FRAS1: variants seen among roughly 807,000 people sequenced by gnomAD.
FRAS1 encodes Fraser extracellular matrix complex subunit 1.
Under a neutral mutation model 435.2 loss-of-function variants are expected in FRAS1, and 290 were observed. The observed-to-expected ratio is 0.67, with a 90% CI of 0.61 to 0.73. The LOEUF is 0.73. Among genes scored for constraint, FRAS1 ranks in the 30% least tolerant of loss-of-function variants. The pLI is 0.00. For synonymous variants in FRAS1, 1,800 were observed against 1,851.0 expected, an observed-to-expected ratio of 0.97 and a Z score of 0.71; for missense variants, 4,860 against 5,001.5, an observed-to-expected ratio of 0.97 and a Z score of 0.85.
intron 2 of FRAS1, among the ~76,000 whole-genome samples, chr4:78,217,735 G>A (rs1041841186): frequency 5.3e-5 from 8 of 151,508 alleles, no homozygotes; most frequent in African/African-American, 1.5e-4. Flanking sequence ...TTCAATGGAC[G>A]GTAGCTATGG....
intron 2 of FRAS1, among the ~76,000 whole-genome samples, chr4:78,197,541 G>C (rs1428577238): frequency 1.3e-5 from 2 of 152,148 alleles, no homozygotes. Context: ...ATGTAGAAAA[G>C]CCCAAAAGTC....
chr4:78,313,907 GT>G (rs1268059807), intron 15 of FRAS1, among the ~76,000 whole-genome samples: 2 of 152,122 alleles, frequency 1.3e-5, no homozygotes, highest in Non-Finnish European at 2.9e-5. Flanking sequence ...ACTGAAATGT[GT>G]GGCACAGGAC....
Position 78,424,369 on chromosome 4 carries a change from G to A in FRAS1, c.4679-19G>A. 2 of 1,421,978 alleles carry A rather than the reference G, an allele frequency of 1.4e-6. No homozygotes were observed. Among genetic ancestry groups the A allele is most frequent in the Non-Finnish European group, 1.9e-6 (2 of 1,054,024 alleles). 88.1% of individuals were successfully genotyped at this position (1,421,978 alleles called of 1,614,324 possible). A position where few individuals can be genotyped will look rare whatever the true frequency, so the allele number is the denominator to read the frequency against. On this transcript the variant is annotated intron_variant, in intron 34 of 73. Transcript: ENST00000512123. Reference sequence around the variant, plus strand: ...TCCCAAAGTGTTTAATATACTGATTGTCTCTCTTACTCTTTTAGGTCTCCC... The same window carrying A: ...TCCCAAAGTGTTTAATATACTGATTATCTCTCTTACTCTTTTAGGTCTCCC...
intron 2 of FRAS1, among the ~76,000 whole-genome samples, chr4:78,121,906 G>A (rs1719052042): frequency 6.6e-6 from 1 of 152,150 alleles, no homozygotes; most frequent in East Asian, 1.9e-4. Flanking sequence ...ACATGGCCAG[G>A]ATACATGTTT....
chr4:78,370,119 G>A, intron 23 of FRAS1, 135 bp downstream of exon 23: 1 of 740,526 alleles, frequency 1.4e-6, no homozygotes, highest in Non-Finnish European at 2.1e-6. Context: ...CAACAATTGT[G>A]TGTGTATGTA....
intron 70 of FRAS1, among the ~76,000 whole-genome samples, chr4:78,531,706 G>C (rs1353837082): frequency 6.6e-6 from 1 of 152,118 alleles, no homozygotes; most frequent in Non-Finnish European, 1.5e-5. Context: ...ACTTATGCAA[G>C]CTTCTATCAT....
chr4:78,311,000 C>T (rs13119684), intron 15 of FRAS1, among the ~76,000 whole-genome samples: 44,037 of 152,014 alleles, frequency 0.29, 7,017 homozygotes, highest in Admixed American at 0.36. Context: ...ACGTGTATTG[C>T]GTTCAACAAA....
intron 20 of FRAS1, among the ~76,000 whole-genome samples, chr4:78,341,689 T>G (rs1730404053): frequency 2.0e-5 from 3 of 152,032 alleles, no homozygotes. Flanking sequence ...GAAGGAGCTT[T>G]GCAGATAGTT....
chr4:78,317,483 C>T lies in FRAS1; in HGVS notation c.1935C>T (p.Phe645=). 1 of 1,613,812 alleles carries T rather than the reference C, an allele frequency of 6.2e-7. No homozygotes were observed. The highest frequency in any genetic ancestry group is 8.5e-7 in the Non-Finnish European group (1 of 1,179,808). ...GHCLPRCGEG[F]YSDHGVCKAC... is the part of the protein sequence containing the mutation. The stretch of plus-strand genomic sequence containing the variant: ...GTCTGCCCCGCTGTGGAGAGGGTTT[C>T]TACTCTGACCATGGAGTCTGCAAAG... The change falls in exon 17 of 74, where the codon TTC becomes TTT. Residue 645 remains phenylalanine, a synonymous_variant. Coordinates refer to ENST00000512123, the MANE Select transcript of FRAS1 (RefSeq NM_025074.7).
intron 2 of FRAS1, among the ~76,000 whole-genome samples, chr4:78,237,119 G>A (rs943174912): frequency 1.1e-4 from 17 of 151,968 alleles, no homozygotes; most frequent in African/African-American, 4.1e-4. Flanking sequence ...CTGCTTTTAG[G>A]ATGCTGGTTA....
At position 78,279,987 on chromosome 4, in the gene FRAS1, A is replaced by G. The variant is rs557918827; in HGVS notation, c.1071+1243A>G. On this transcript the variant is annotated intron_variant, in intron 10 of 73. Transcript: ENST00000512123. ...CCTTTTCCATCTTAACTAGCCACTT[A>G]TCACACACTGTGGCTGTAACTTTCA... is the stretch of plus-strand genomic sequence containing the variant. Among the ~76,000 whole-genome samples, 26 of 152,336 alleles carry G rather than the reference A, an allele frequency of 1.7e-4. No homozygotes were observed. The South Asian group carries it at 5.4e-3, about 32-fold the overall frequency.
chr4:78,449,244 G>T (rs1261589049), intron 44 of FRAS1, among the ~76,000 whole-genome samples: 1 of 152,144 alleles, frequency 6.6e-6, no homozygotes, highest in Non-Finnish European at 1.5e-5. Context: ...TGATGTAGAG[G>T]GCCCAGACAG....
At chr4:78,505,212 GC>G (rs1720797431) in intron 61 of FRAS1, among the ~76,000 whole-genome samples, 1 of 152,092 alleles carries the variant, frequency 6.6e-6, no homozygotes, top group Non-Finnish European at 1.5e-5. Context: ...TTTTGGGGTT[GC>G]TCTTCTTGAG....
chr4:78,256,736 G>A (rs1423367413), intron 6 of FRAS1, among the ~76,000 whole-genome samples: 1 of 152,062 alleles, frequency 6.6e-6, no homozygotes. Flanking sequence ...ATACTTTAGA[G>A]CTAATTAATA....
At chr4:78,067,975 G>T (rs1250576558) in intron 2 of FRAS1, among the ~76,000 whole-genome samples, 1 of 151,416 alleles carries the variant, frequency 6.6e-6, no homozygotes, top group Non-Finnish European at 1.5e-5. Flanking sequence ...ACTGAGCCTG[G>T]CCTGCTACAT....
chr4:78,496,888 T>C lies in FRAS1; in HGVS notation c.9042T>C (p.Leu3014=). 6.2e-7 allele frequency: 1 copy of C among 1,613,752 alleles called. No homozygotes were observed. Among genetic ancestry groups the C allele is most frequent in the Non-Finnish European group, 8.5e-7 (1 of 1,179,710 alleles). ...EQFRVYLGLP[L]GNHWSGARIG... is the part of the protein sequence containing the mutation. Reference sequence around the variant, plus strand: ...TCAGGGTCTACCTCGGCCTTCCTCTTGGAAACCACTGGAGTGGAGCTAGAA... The same window carrying C: ...TCAGGGTCTACCTCGGCCTTCCTCTCGGAAACCACTGGAGTGGAGCTAGAA... Residue 3014 remains leucine (L), a synonymous_variant, in exon 60 of 74, where the codon CTT becomes CTC. Coordinates refer to ENST00000512123, the MANE Select transcript of FRAS1 (RefSeq NM_025074.7).
chr4:78,514,510 AG>A (rs1447284642), intron 65 of FRAS1, among the ~76,000 whole-genome samples: 2 of 152,248 alleles, frequency 1.3e-5, no homozygotes, highest in South Asian at 4.1e-4. Context: ...TTTATACAGT[AG>A]AAATTAGCTG....
At chr4:78,399,789 C>T (rs1047712542) in intron 29 of FRAS1, among the ~76,000 whole-genome samples, 1 of 152,134 alleles carries the variant, frequency 6.6e-6, no homozygotes, top group Non-Finnish European at 1.5e-5. Context: ...ATTTTCTCTC[C>T]CCTGAGCCAT....
intron 31 of FRAS1, among the ~76,000 whole-genome samples, chr4:78,408,626 T>A (rs1733195562): frequency 6.6e-6 from 1 of 152,170 alleles, no homozygotes; most frequent in Non-Finnish European, 1.5e-5. Flanking sequence ...TTTGGGCAAA[T>A]TACTTGAGAA....
Sources: allele counts gnomAD v4.1 joint callset (sites outside exome capture counted in the v4.1 genomes callset), GRCh38; gene constraint gnomAD v4.1.1; transcripts MANE v1.5; gene names NCBI Gene and HGNC (gene_info 2026-07-23, HGNC 2026-07-21).